Variants in PLCB4 observed in about 807,000 individuals in gnomAD.
PLCB4 encodes the protein phospholipase C beta 4.
PLCB4 carries 77 observed loss-of-function variants against 178.8 expected under a neutral mutation model. The observed-to-expected ratio is 0.43, with a 90% CI of 0.36 to 0.52. The LOEUF is 0.52. Ranked by LOEUF, PLCB4 falls within the 20% of genes least tolerant of loss-of-function variation. PLCB4 has a pLI of 0.00. For missense variants in PLCB4, 1,024 were observed against 1,453.4 expected (o/e 0.70, Z 4.80); for synonymous variants, 496 against 490.8 (o/e 1.01, Z -0.14).
At chr20:9,318,474 A>G (rs1240324095) in intron 4 of PLCB4, among the ~76,000 whole-genome samples, 1 of 152,204 alleles carries the variant, frequency 6.6e-6, no homozygotes, top group Admixed American at 6.5e-5. Flanking sequence ...CTTAGTTTCT[A>G]CAATGGCAAT....
chr20:9,401,617 C>G, intron 20 of PLCB4, 27 bp downstream of exon 20: 1 of 1,426,764 alleles, frequency 7.0e-7, no homozygotes, highest in Non-Finnish European at 9.9e-7. Flanking sequence ...TTTCATCACT[C>G]TCAAGAGGTA....
At chr20:9,307,523 AC>A (rs1223830966) in intron 3 of PLCB4, among the ~76,000 whole-genome samples, 4 of 151,180 alleles carry the variant, frequency 2.6e-5, no homozygotes, top group African/African-American at 9.7e-5. Flanking sequence ...ACACACACAC[AC>A]ACACACACAC....
chr20:9,418,515 A>G (rs1021077807), intron 25 of PLCB4, among the ~76,000 whole-genome samples: 3 of 152,110 alleles, frequency 2.0e-5, no homozygotes, highest in African/African-American at 7.2e-5. Context: ...TTCTGTCTCA[A>G]TGAGTTATGT....
intron 1 of PLCB4, among the ~76,000 whole-genome samples, chr20:9,070,894 C>CA (rs2089539043): frequency 6.6e-6 from 1 of 152,156 alleles, no homozygotes; most frequent in Admixed American, 6.5e-5. Flanking sequence ...AAGTAACTGT[C>CA]AAAACAGAAT....
chr20:9,394,004 A>G (rs769312), intron 18 of PLCB4, among the ~76,000 whole-genome samples: 12,246 of 152,216 alleles, frequency 0.08, 1,601 homozygotes, highest in African/African-American at 0.27. Flanking sequence ...TATACACTCT[A>G]AAGTCCTCAT....
chr20:9,321,937 C>CT (rs1178374160), intron 4 of PLCB4, among the ~76,000 whole-genome samples: 2 of 129,870 alleles, frequency 1.5e-5, no homozygotes, highest in South Asian at 2.4e-4. Flanking sequence ...CCTGGCCTTT[C>CT]TTTTTTTTCT....
chr20:9,392,315 G>C (rs2038215463), intron 17 of PLCB4, among the ~76,000 whole-genome samples: 1 of 152,176 alleles, frequency 6.6e-6, no homozygotes, highest in Admixed American at 6.5e-5. Flanking sequence ...GAGCAGAGGG[G>C]CTCAAGAGCC....
chr20:9,172,033 GT>G (rs895923233), intron 2 of PLCB4, among the ~76,000 whole-genome samples: 5 of 152,082 alleles, frequency 3.3e-5, no homozygotes, highest in Non-Finnish European at 1.5e-5. Flanking sequence ...TTTCTGTTTT[GT>G]TTTTGTCTTT....
At chr20:9,463,547 G>A (rs2043545385) in intron 35 of PLCB4, among the ~76,000 whole-genome samples, 1 of 132,412 alleles carries the variant, frequency 7.6e-6, no homozygotes, top group African/African-American at 3.0e-5. Flanking sequence ...ACACACACAG[G>A]CTCAAAATAA....
chr20:9,424,078 C>T, intron 28 of PLCB4, 126 bp downstream of exon 28: 1 of 659,188 alleles, frequency 1.5e-6, no homozygotes, highest in East Asian at 2.7e-5. Context: ...TGCTGCCAAC[C>T]CTGATTACCT....
At chr20:9,105,536 A>T (rs539660684) in intron 2 of PLCB4, among the ~76,000 whole-genome samples, 1 of 152,250 alleles carries the variant, frequency 6.6e-6, no homozygotes, top group South Asian at 2.1e-4. Context: ...AGAAATACTT[A>T]TGAGGGGCAC....
intron 3 of PLCB4, among the ~76,000 whole-genome samples, chr20:9,265,413 G>A (rs928012558): frequency 6.6e-6 from 1 of 152,128 alleles, no homozygotes; most frequent in Non-Finnish European, 1.5e-5. Flanking sequence ...AACCCCGGAG[G>A]TAAAGGTTGC....
chr20:9,215,727 C>G (rs183580968), intron 2 of PLCB4, among the ~76,000 whole-genome samples: 1 of 152,126 alleles, frequency 6.6e-6, no homozygotes, highest in African/African-American at 2.4e-5. Flanking sequence ...TAAAAATCTC[C>G]TTTTAGTACT....
intron 1 of PLCB4, among the ~76,000 whole-genome samples, chr20:9,079,441 G>GT (rs1473047604): frequency 1.3e-5 from 2 of 152,224 alleles, no homozygotes; most frequent in Non-Finnish European, 2.9e-5. Context: ...CCGTCTGCCT[G>GT]TAATATCCCT....
chr20:9,303,968 A>ACCT (rs1481404422), intron 3 of PLCB4, among the ~76,000 whole-genome samples: 5 of 151,314 alleles, frequency 3.3e-5, no homozygotes, highest in Non-Finnish European at 4.4e-5. Flanking sequence ...TGCTGCAGCC[A>ACCT]CCTCCTCCTC....
intron 12 of PLCB4, among the ~76,000 whole-genome samples, chr20:9,378,762 T>A (rs1459193658): frequency 6.6e-6 from 1 of 152,160 alleles, no homozygotes; most frequent in African/African-American, 2.4e-5. Flanking sequence ...TATTGATTCC[T>A]TATGAGTTAA....
chr20:9,218,171 C>T (rs1022411971), intron 3 of PLCB4, among the ~76,000 whole-genome samples: 10 of 152,120 alleles, frequency 6.6e-5, no homozygotes, highest in East Asian at 3.9e-4. Flanking sequence ...AGTGCAGTGG[C>T]GCAATCTCGG....
At chr20:9,110,972 A>T (rs1366147484) in intron 2 of PLCB4, among the ~76,000 whole-genome samples, 1 of 152,198 alleles carries the variant, frequency 6.6e-6, no homozygotes, top group Non-Finnish European at 1.5e-5. Context: ...ACTTGTATTC[A>T]TTAAGCAGGT....
At chr20:9,167,644 G>A (rs1319451022) in intron 2 of PLCB4, among the ~76,000 whole-genome samples, 1 of 152,166 alleles carries the variant, frequency 6.6e-6, no homozygotes, top group African/African-American at 2.4e-5. Flanking sequence ...GTTGGTTTGT[G>A]TATTTGGTAA....
Sources: allele counts gnomAD v4.1 joint callset (sites outside exome capture counted in the v4.1 genomes callset), GRCh38; gene constraint gnomAD v4.1.1; transcripts MANE v1.5; gene names NCBI Gene and HGNC (gene_info 2026-07-23, HGNC 2026-07-21).